ATG10: variants seen among roughly 807,000 people sequenced by gnomAD.
The protein encoded by ATG10 is autophagy related 10.
In ATG10, 30 loss-of-function variants were observed where a neutral mutation model predicts 32.1. The ratio of observed to expected loss-of-function variants is 0.94; its 90% CI spans 0.70 to 1.27. ATG10 has a LOEUF of 1.27. Among genes scored for constraint, ATG10 ranks in the 50% most tolerant of loss-of-function variants. The pLI is 0.00. For synonymous variants in ATG10, 87 were observed against 91.5 expected, an observed-to-expected ratio of 0.95 and a Z score of 0.28; for missense variants, 233 against 262.3, an observed-to-expected ratio of 0.89 and a Z score of 0.77.
At chr5:81,995,418 C>T (rs1275699656) in intron 2 of ATG10, among the ~76,000 whole-genome samples, 10 of 152,272 alleles carry the variant, frequency 6.6e-5, no homozygotes, top group Admixed American at 2.6e-4. Flanking sequence ...GTTGGGATTA[C>T]AGGCGTGAGC....
intron 5 of ATG10, among the ~76,000 whole-genome samples, chr5:82,191,045 A>T (rs1744644192): frequency 6.6e-6 from 1 of 152,192 alleles, no homozygotes; most frequent in Non-Finnish European, 1.5e-5. Context: ...CTCAGAAAAG[A>T]TGTACTAATT....
chr5:82,035,836 A>C (rs1467711731), intron 2 of ATG10, among the ~76,000 whole-genome samples: 1 of 150,300 alleles, frequency 6.7e-6, no homozygotes, highest in African/African-American at 2.4e-5. Flanking sequence ...CATTTTCTAT[A>C]GGTATTGCAA....
At chr5:82,169,217 AAG>A (rs1743708471) in intron 4 of ATG10, among the ~76,000 whole-genome samples, 1 of 152,056 alleles carries the variant, frequency 6.6e-6, no homozygotes, top group Non-Finnish European at 1.5e-5. Context: ...GAAAAAGTGA[AAG>A]AGTTTGAGCA....
At chr5:82,212,001 T>C (rs1745512197) in intron 5 of ATG10, among the ~76,000 whole-genome samples, 1 of 152,210 alleles carries the variant, frequency 6.6e-6, no homozygotes, top group African/African-American at 2.4e-5. Context: ...TTGTCAAGGC[T>C]CACTTCAAAT....
At chr5:82,143,719 C>T (rs1767237414) in intron 3 of ATG10, among the ~76,000 whole-genome samples, 1 of 152,142 alleles carries the variant, frequency 6.6e-6, no homozygotes, top group African/African-American at 2.4e-5. Flanking sequence ...TCACTGTCTT[C>T]CCCTCTAGTT....
intron 1 of ATG10, among the ~76,000 whole-genome samples, chr5:81,983,679 G>A (rs1246073766): frequency 6.6e-6 from 1 of 151,566 alleles, no homozygotes; most frequent in African/African-American, 2.4e-5. Flanking sequence ...GGTGGCTGCC[G>A]GGCGGAGACG....
chr5:82,253,289 G>T (rs1747334669), intron 6 of ATG10, 25 bp from the exon 7 acceptor site: 5 of 1,468,474 alleles, frequency 3.4e-6, no homozygotes, highest in Non-Finnish European at 4.8e-6. Flanking sequence ...ACGTTAGCAT[G>T]GCCTGTATTT....
intron 5 of ATG10, among the ~76,000 whole-genome samples, chr5:82,188,157 G>T (rs1197227093): frequency 6.6e-6 from 1 of 152,042 alleles, no homozygotes; most frequent in Non-Finnish European, 1.5e-5. Context: ...AGCTAAACAG[G>T]ATATATTTCT....
intron 3 of ATG10, among the ~76,000 whole-genome samples, chr5:82,122,850 A>G (rs970962474): frequency 3.3e-5 from 5 of 152,216 alleles, no homozygotes; most frequent in African/African-American, 1.2e-4. Flanking sequence ...TTAAAAAGTC[A>G]AAAAATAACA....
At chr5:82,220,076 C>T (rs999034790) in intron 5 of ATG10, among the ~76,000 whole-genome samples, 1 of 152,158 alleles carries the variant, frequency 6.6e-6, no homozygotes, top group Non-Finnish European at 1.5e-5. Flanking sequence ...GCAAAGGCCT[C>T]ATAGATGGAG....
At chr5:82,233,747 A>G (rs1746452073) in intron 5 of ATG10, among the ~76,000 whole-genome samples, 1 of 152,110 alleles carries the variant, frequency 6.6e-6, no homozygotes, top group Non-Finnish European at 1.5e-5. Flanking sequence ...TCTGTCCCCA[A>G]CTTTCTTACT....
intron 3 of ATG10, among the ~76,000 whole-genome samples, chr5:82,082,969 G>A (rs1388364198): frequency 1.3e-5 from 2 of 152,222 alleles, no homozygotes; most frequent in African/African-American, 2.4e-5. Context: ...TCCAACTGAG[G>A]TACCGGGTTC....
chr5:82,185,088 G>A (rs1326875957), intron 5 of ATG10, among the ~76,000 whole-genome samples: 2 of 152,070 alleles, frequency 1.3e-5, no homozygotes, highest in Admixed American at 6.6e-5. Context: ...TATTTTGTAC[G>A]CATGTATATG....
Position 82,087,166 on chromosome 5 carries a change from A to G in ATG10, c.216+28564A>G, listed in dbSNP as rs554472941. Among the ~76,000 whole-genome samples the G allele has an allele frequency of 1.1e-3, 175 of 152,326 alleles. 2 individuals carry two copies. The highest frequency in any genetic ancestry group is 2.3e-3 in the Admixed American group (35 of 15,294). On this transcript the variant is annotated intron_variant, in intron 3 of 7. Transcript: ENST00000282185. ...GACAGGGTTTATGCATCAAAAGTCA[A>G]ATGGCAATTCACAGCAATGACATAA...
chr5:81,979,807 A>G (rs899210827), intron 1 of ATG10, among the ~76,000 whole-genome samples: 6 of 149,956 alleles, frequency 4.0e-5, no homozygotes, highest in African/African-American at 1.5e-4. Context: ...TTTTAGAAAC[A>G]TGGTGAATTC....
chr5:82,015,552 C>T (rs1762260669), intron 2 of ATG10, among the ~76,000 whole-genome samples: 1 of 152,164 alleles, frequency 6.6e-6, no homozygotes, highest in South Asian at 2.1e-4. Flanking sequence ...CTCTAAACTT[C>T]TCTTCTCGCT....
chr5:82,070,111 G>C (rs1581657632), intron 3 of ATG10, among the ~76,000 whole-genome samples: 1 of 152,162 alleles, frequency 6.6e-6, no homozygotes. Flanking sequence ...TTACATGTTT[G>C]TCTCAGCTAC....
At chr5:82,079,253 C>G (rs1379147888) in intron 3 of ATG10, among the ~76,000 whole-genome samples, 1 of 152,068 alleles carries the variant, frequency 6.6e-6, no homozygotes, top group Non-Finnish European at 1.5e-5. Flanking sequence ...AATGCACTTA[C>G]AATTCCACAT....
chr5:82,207,803 T>C (rs1359192772), intron 5 of ATG10, among the ~76,000 whole-genome samples: 1 of 152,192 alleles, frequency 6.6e-6, no homozygotes. Flanking sequence ...TGGTCACTAG[T>C]CACATGTGAC....
Sources: gnomAD v4.1 joint callset for allele counts (sites outside exome capture counted in the v4.1 genomes callset) on GRCh38, gnomAD v4.1.1 for gene constraint, MANE v1.5 for transcripts, NCBI Gene and HGNC (gene_info 2026-07-23, HGNC 2026-07-21) for gene names.